DTX1: variants seen among roughly 807,000 people sequenced by gnomAD.
The protein encoded by DTX1 is E3 ubiquitin-protein ligase DTX1.
A neutral mutation model predicts 57.8 loss-of-function variants in DTX1; 26 were observed. That is an observed-to-expected ratio of 0.45 (90% CI 0.33 to 0.62). The LOEUF (loss-of-function observed/expected upper bound fraction) is 0.62, where lower values mean the gene tolerates loss of function less well. Ranked by LOEUF, DTX1 falls within the 20% of genes least tolerant of loss-of-function variation. The probability of loss-of-function intolerance (pLI) is 0.02; values close to 1 mark genes in which losing one functional copy is unlikely to be tolerated. For synonymous variants in DTX1, 398 were observed against 394.1 expected, an observed-to-expected ratio of 1.01 and a Z score of -0.12; for missense variants, 704 against 895.3, an observed-to-expected ratio of 0.79 and a Z score of 2.73.
chr12:113,097,296 T>A lies in DTX1; in HGVS notation c.*357T>A. 8.4e-6 allele frequency: 2 copies of A among 238,734 alleles called. No individual in the cohort carries two copies. Among genetic ancestry groups the A allele is most frequent in the Non-Finnish European group, 8.1e-6 (1 of 123,616 alleles). The allele number at this position is 238,734 out of a possible 1,614,324, so 14.8% of individuals were successfully genotyped here. A position where few individuals can be genotyped will look rare whatever the true frequency, so the allele number is the denominator to read the frequency against. ...GAAGAGAAGAGACAGAAAGACCCCA[T>A]GACCCCCCCATGTGGATCCCCATCT... On this transcript the variant is annotated 3_prime_UTR_variant, in exon 10 of 10. Coordinates refer to ENST00000548759, the MANE Select transcript of DTX1 (RefSeq NM_004416.3).
intron 3 of DTX1, among the ~76,000 whole-genome samples, chr12:113,087,179 C>G (rs770925152): frequency 1.3e-5 from 2 of 152,076 alleles, no homozygotes; most frequent in Non-Finnish European, 2.9e-5. Flanking sequence ...GCCTCCAATA[C>G]CACTCACACC....
chr12:113,088,263 G>A (rs1950219596), intron 3 of DTX1, among the ~76,000 whole-genome samples: 1 of 152,210 alleles, frequency 6.6e-6, no homozygotes. Context: ...CTCTGCTCCA[G>A]GGCAGTGACT....
chr12:113,082,405 G>A (rs1313180257), intron 3 of DTX1, among the ~76,000 whole-genome samples: 6 of 152,186 alleles, frequency 3.9e-5, no homozygotes, highest in Non-Finnish European at 5.9e-5. Flanking sequence ...AGATAGGGGT[G>A]GCAGACCCTG....
intron 2 of DTX1, among the ~76,000 whole-genome samples, chr12:113,075,157 G>T (rs1566016180): frequency 6.6e-6 from 1 of 152,338 alleles, no homozygotes; most frequent in African/African-American, 2.4e-5. Flanking sequence ...GTCTTCTATT[G>T]CATGTCTGCT....
At position 113,058,209 on chromosome 12, in the gene DTX1, A is replaced by C. The variant is rs749069556; in HGVS notation, c.17A>C (p.His6Pro). Residue 6 changes from histidine (H) to proline (P), a missense_variant, in exon 2 of 10, where the codon CAC becomes CCC. Transcript: ENST00000548759. ...GTGGCGGCCATGTCACGGCCAGGCC[A>C]CGGTGGGCTGATGCCTGTGAATGGT... MSRPGHGGLMPVNGLG... is the reference protein window; with the variant it reads MSRPGPGGLMPVNGLG... 2 of 1,608,668 alleles carry C rather than the reference A, an allele frequency of 1.2e-6. No individual in the cohort carries two copies. The highest frequency in any genetic ancestry group is 1.3e-5 in the African/African-American group (1 of 74,952).
chr12:113,065,064 G>A (rs1260052484), intron 2 of DTX1, among the ~76,000 whole-genome samples: 1 of 152,218 alleles, frequency 6.6e-6, no homozygotes, highest in Non-Finnish European at 1.5e-5. Flanking sequence ...GGGTAGAGGA[G>A]GCCTCGTGGG....
Position 113,058,255 on chromosome 12 carries a change from C to T in DTX1, c.63C>T (p.Asn21=). 2 of 1,613,626 alleles carry T rather than the reference C, an allele frequency of 1.2e-6. No individual in the cohort carries two copies. The highest frequency in any genetic ancestry group is 1.7e-6 in the Non-Finnish European group (2 of 1,179,988). The change falls in exon 2 of 10, where the codon AAC becomes AAT. Residue 21 remains asparagine, a synonymous_variant. Coordinates refer to ENST00000548759, the MANE Select transcript of DTX1 (RefSeq NM_004416.3). Reference sequence around the variant, plus strand: ...ATGGTCTGGGCTTCCCACCGCAGAACGTGGCCCGGGTGGTGGTGTGGGAGT... The same window carrying T: ...ATGGTCTGGGCTTCCCACCGCAGAATGTGGCCCGGGTGGTGGTGTGGGAGT... The part of the protein sequence containing the change: ...PVNGLGFPPQ[N]VARVVVWEWL...
At chr12:113,092,621 G>A (rs562240554) in intron 3 of DTX1, among the ~76,000 whole-genome samples, 3 of 152,252 alleles carry the variant, frequency 2.0e-5, no homozygotes, top group African/African-American at 7.2e-5. Context: ...TTGAAAACCT[G>A]GACTTATCAT....
intron 2 of DTX1, among the ~76,000 whole-genome samples, chr12:113,066,717 GGC>G (rs71445594): frequency 0.35 from 53,193 of 151,742 alleles, 10,962 homozygotes; most frequent in East Asian, 0.88. Context: ...CTGTGTGCCA[GGC>G]ACTGTCCGGG....
At chr12:113,082,055 A>G (rs540979863) in intron 3 of DTX1, among the ~76,000 whole-genome samples, 1 of 152,042 alleles carries the variant, frequency 6.6e-6, no homozygotes, top group South Asian at 2.1e-4. Flanking sequence ...GACCTGCCAG[A>G]GCTCTGTTGT....
Position 113,078,084 on chromosome 12 carries a change from C to T in DTX1, c.920C>T (p.Ala307Val). The T allele has an allele frequency of 7.1e-7, 1 of 1,399,620 alleles. No homozygotes were observed. Among genetic ancestry groups the T allele is most frequent in the Non-Finnish European group, 9.3e-7 (1 of 1,076,446 alleles). 86.7% of individuals were successfully genotyped at this position (1,399,620 alleles called of 1,614,324 possible). Residue 307 changes from alanine (A) to valine (V), a missense_variant, in exon 3 of 10, where the codon GCG becomes GTG. Physicochemically the swap from Ala to Val is moderately conservative, Grantham distance 64. Coordinates refer to ENST00000548759, the MANE Select transcript of DTX1 (RefSeq NM_004416.3). ...PGPQRTTSVS[A>V]RASIPPGVPA... ...CCCCAGCGCACCACCAGCGTGAGCG[C>T]GCGCGCCTCCATCCCGCCGGGGTAA...
chr12:113,084,757 T>A (rs535327988), intron 3 of DTX1, among the ~76,000 whole-genome samples: 59 of 152,300 alleles, frequency 3.9e-4, no homozygotes, highest in Middle Eastern at 6.8e-3. Context: ...ATTTTTCAAA[T>A]GAGGAAACTG....
intron 2 of DTX1, among the ~76,000 whole-genome samples, chr12:113,063,558 G>T (rs2044680642): frequency 6.6e-6 from 1 of 152,226 alleles, no homozygotes; most frequent in African/African-American, 2.4e-5. Context: ...GCAGCCTCCT[G>T]CCCCTTCTGC....
intron 3 of DTX1, among the ~76,000 whole-genome samples, chr12:113,083,571 C>T (rs1383519553): frequency 6.6e-6 from 1 of 152,220 alleles, no homozygotes; most frequent in African/African-American, 2.4e-5. Context: ...AGTGATCCAC[C>T]CACCTCGGCC....
chr12:113,070,012 AAGTC>A (rs1440228576), intron 2 of DTX1, among the ~76,000 whole-genome samples: 9 of 152,224 alleles, frequency 5.9e-5, no homozygotes, highest in African/African-American at 2.2e-4. Flanking sequence ...TCATGAGACT[AAGTC>A]AGAGGGAACA....
chr12:113,078,008 G>A lies in DTX1; in HGVS notation c.844G>A (p.Ala282Thr). Residue 282 changes from alanine to threonine, a missense_variant, in exon 3 of 10, where the codon GCC (alanine) becomes ACC (threonine). Physicochemically the swap from Ala to Thr is moderately conservative, Grantham distance 58. Coordinates refer to ENST00000548759, the MANE Select transcript of DTX1 (RefSeq NM_004416.3). ...PPGAPPRSPGAPGGARTPGQN... is the reference protein window; with the variant it reads ...PPGAPPRSPGTPGGARTPGQN... ...CGGGGCGCCCCCACGGAGCCCGGGC[G>A]CCCCCGGCGGAGCGCGCACCCCGGG... 1 of 1,136,756 alleles carries A rather than the reference G, an allele frequency of 8.8e-7. No homozygotes were observed. Among genetic ancestry groups the A allele is most frequent in the Non-Finnish European group, 1.1e-6 (1 of 927,488 alleles). The allele number at this position is 1,136,756 out of a possible 1,614,324, so 70.4% of individuals were successfully genotyped here.
chr12:113,058,458 A>T lies in DTX1; in HGVS notation c.259+7A>T. On this transcript the variant is annotated splice_region_variant and intron_variant, in intron 2 of 9. Coordinates refer to ENST00000548759, the MANE Select transcript of DTX1 (RefSeq NM_004416.3). Reference sequence around the variant, plus strand: ...CAGTTTCGCCAGGACACAGGTGAGCAGACACCCACCCCATGCCACCCGCCC... The same window carrying T: ...CAGTTTCGCCAGGACACAGGTGAGCTGACACCCACCCCATGCCACCCGCCC... 6.3e-7 allele frequency: 1 copy of T among 1,589,870 alleles called. No individual in the cohort carries two copies. Among genetic ancestry groups the T allele is most frequent in the South Asian group, 1.1e-5 (1 of 89,344 alleles).
At position 113,094,021 on chromosome 12, in the gene DTX1, C is replaced by T. The variant is rs1356864011; in HGVS notation, c.1166-17C>T. On this transcript the variant is annotated splice_polypyrimidine_tract_variant and intron_variant, in intron 5 of 9. Coordinates refer to ENST00000548759, the MANE Select transcript of DTX1 (RefSeq NM_004416.3). ...GACTCTGGGTACCCTCAAACCCACC[C>T]CGCTGTGTCCCTGCAGGTAAGAATC... 3 of 1,569,068 alleles carry T rather than the reference C, an allele frequency of 1.9e-6. No homozygotes were observed. The highest frequency in any genetic ancestry group is 2.6e-6 in the Non-Finnish European group (3 of 1,155,920).
chr12:113,082,529 C>T (rs1348573616), intron 3 of DTX1, among the ~76,000 whole-genome samples: 1 of 152,174 alleles, frequency 6.6e-6, no homozygotes, highest in Non-Finnish European at 1.5e-5. Context: ...ACAGGTCTAC[C>T]CACTGTCACT....
Sources: gnomAD v4.1 joint callset for allele counts (sites outside exome capture counted in the v4.1 genomes callset) on GRCh38, gnomAD v4.1.1 for gene constraint, MANE v1.5 for transcripts, NCBI Gene and HGNC (gene_info 2026-07-23, HGNC 2026-07-21) for gene names.